CFAP43: variants seen among roughly 807,000 people sequenced by gnomAD.
The protein encoded by CFAP43 is cilia- and flagella-associated protein 43.
A neutral mutation model predicts 218.9 loss-of-function variants in CFAP43; 155 were observed. The observed-to-expected ratio is 0.71, with a 90% confidence interval of 0.62 to 0.81. CFAP43 has a LOEUF of 0.81. CFAP43 is among the 30% of genes least tolerant of loss of function. The pLI is 0.00. For missense variants in CFAP43, 1,778 were observed against 1,954.3 expected, an observed-to-expected ratio of 0.91 and a Z score of 1.70; for synonymous variants, 645 against 681.3, an observed-to-expected ratio of 0.95 and a Z score of 0.83.
intron 20 of CFAP43, among the ~76,000 whole-genome samples, chr10:104,169,440 G>GT (rs1488878824): frequency 6.6e-6 from 1 of 151,946 alleles, no homozygotes; most frequent in Admixed American, 6.6e-5. Context: ...TACAATCTGT[G>GT]TTTTTTTCCA....
At chr10:104,212,622 T>C (rs920359740) in intron 4 of CFAP43, among the ~76,000 whole-genome samples, 1 of 152,226 alleles carries the variant, frequency 6.6e-6, no homozygotes, top group African/African-American at 2.4e-5. Flanking sequence ...TGGCAACTAA[T>C]TCAAATGAAA....
At position 104,198,044 on chromosome 10, in the gene CFAP43, A is replaced by G. The variant is rs748617114; in HGVS notation, c.1096-6T>C. 6.7e-7 allele frequency: 1 copy of G among 1,502,978 alleles called. No homozygotes were observed. Among genetic ancestry groups the G allele is most frequent in the Non-Finnish European group, 9.2e-7 (1 of 1,084,714 alleles). The allele number at this position is 1,502,978 out of a possible 1,614,324, so 93.1% of individuals were successfully genotyped here. Reference sequence around the variant, plus strand: ...GTGTAGATATAAACAGATCCCTGATAAACATACAAAAGAAAAGAAACACAT... The same window carrying G: ...GTGTAGATATAAACAGATCCCTGATGAACATACAAAAGAAAAGAAACACAT... On this transcript the variant is annotated splice_region_variant and splice_polypyrimidine_tract_variant and intron_variant, in intron 8 of 37. Transcript: ENST00000357060.
At chr10:104,140,358 G>T (rs1432600903) in intron 34 of CFAP43, among the ~76,000 whole-genome samples, 4 of 152,206 alleles carry the variant, frequency 2.6e-5, no homozygotes, top group Admixed American at 2.0e-4. Flanking sequence ...CATCCTGGGG[G>T]TGGGGTCTGA....
chr10:104,208,776 A>T (rs1441605666), intron 5 of CFAP43, among the ~76,000 whole-genome samples: 1 of 152,210 alleles, frequency 6.6e-6, no homozygotes, highest in Non-Finnish European at 1.5e-5. Context: ...ATTCCTATTT[A>T]GCAACATCTG....
At position 104,141,063 on chromosome 10, in the gene CFAP43, T is replaced by G. The variant is rs1042944748; in HGVS notation, c.4272-62A>C. The G allele has an allele frequency of 2.0e-6, 3 of 1,487,038 alleles. No individual in the cohort carries two copies. The African/African-American group carries it at 4.2e-5, about 21-fold the overall frequency. 92.1% of individuals were successfully genotyped at this position (1,487,038 alleles called of 1,614,324 possible). Reference sequence around the variant, plus strand: ...TATATTTCAAATTTCACCTATTATCTGAGAATATAAAAATCGAATCAGCTT... The same window carrying G: ...TATATTTCAAATTTCACCTATTATCGGAGAATATAAAAATCGAATCAGCTT... On this transcript the variant is annotated intron_variant, in intron 33 of 37. Transcript: ENST00000357060.
At chr10:104,155,983 C>T (rs1218825799) in intron 27 of CFAP43, among the ~76,000 whole-genome samples, 1 of 151,956 alleles carries the variant, frequency 6.6e-6, no homozygotes, top group Non-Finnish European at 1.5e-5. Context: ...CAGTAGTTTG[C>T]ATTAGAGTGG....
At chr10:104,153,614 C>A (rs1290859450) in intron 27 of CFAP43, among the ~76,000 whole-genome samples, 2 of 152,134 alleles carry the variant, frequency 1.3e-5, no homozygotes, top group Admixed American at 6.5e-5. Flanking sequence ...TGCTATAAAT[C>A]ATTTTTATCT....
chr10:104,218,514 G>C (rs2091085541), intron 3 of CFAP43, among the ~76,000 whole-genome samples: 1 of 151,966 alleles, frequency 6.6e-6, no homozygotes, highest in Non-Finnish European at 1.5e-5. Context: ...CTGAGGTTCT[G>C]ATTTAACTGG....
chr10:104,180,042 A>G, intron 17 of CFAP43, 110 bp from the exon 18 acceptor site: 1 of 813,820 alleles, frequency 1.2e-6, no homozygotes, highest in Non-Finnish European at 2.0e-6. Context: ...TATTTGTTGC[A>G]TTTTTGAAAA....
At position 104,193,868 on chromosome 10, in the gene CFAP43, G is replaced by A. The variant is rs2090305177; in HGVS notation, c.1440C>T (p.Val480=). 3.1e-6 allele frequency: 5 copies of A among 1,613,652 alleles called. No homozygotes were observed. The highest frequency in any genetic ancestry group is 1.1e-5 in the South Asian group (1 of 91,006). Residue 480 remains valine (V), a splice_region_variant and synonymous_variant, in exon 11 of 38, where the codon GTC becomes GTT. Coordinates refer to ENST00000357060, the MANE Select transcript of CFAP43 (RefSeq NM_025145.7). ...AFLSESSVQH[V]VYDQQGIFLL... ...TCCTGGAGGCAGAAAGGACTTACACGACGTGCTGCACGGACGATTCCGAGA... is the reference window on the plus strand; with the variant it reads ...TCCTGGAGGCAGAAAGGACTTACACAACGTGCTGCACGGACGATTCCGAGA...
At chr10:104,195,189 G>A (rs902133295) in intron 10 of CFAP43, among the ~76,000 whole-genome samples, 1 of 152,150 alleles carries the variant, frequency 6.6e-6, no homozygotes, top group African/African-American at 2.4e-5. Flanking sequence ...CTGAAGGAAG[G>A]CAACACAGTC....
intron 3 of CFAP43, among the ~76,000 whole-genome samples, chr10:104,218,634 C>T (rs2091088983): frequency 6.6e-6 from 1 of 152,084 alleles, no homozygotes; most frequent in Admixed American, 6.5e-5. Flanking sequence ...TTGCATCTTC[C>T]TACTGTCACT....
In CFAP43 at chr10:104,214,318, T is replaced by C. The variant is rs146730861; in HGVS notation, c.525A>G (p.Pro175=). The C allele has an allele frequency of 9.9e-6, 16 of 1,610,082 alleles. No individual in the cohort carries two copies. In the African/African-American group the frequency reaches 1.9e-4, roughly 19 times the overall value. Residue 175 remains proline (P), a synonymous_variant, in exon 4 of 38, where the codon CCA becomes CCG. Transcript: ENST00000357060. ...CAATGGTCCACACGCTCACTGTACT[T>C]GGACTTGATAAGCACAGCTGGCGCC... ...MNWRQLCLSS[P]STVSVWTIER...
chr10:104,182,335 A>G (rs746298893), intron 17 of CFAP43, 31 bp downstream of exon 17: 5 of 1,508,708 alleles, frequency 3.3e-6, no homozygotes, highest in Non-Finnish European at 2.6e-6. Context: ...AAGAAATGTA[A>G]GCAAGCAAGC....
intron 5 of CFAP43, among the ~76,000 whole-genome samples, chr10:104,211,656 G>GA (rs2090866848): frequency 6.6e-6 from 1 of 152,148 alleles, no homozygotes; most frequent in South Asian, 2.1e-4. Flanking sequence ...CTATCTGTGA[G>GA]AATGACACTG....
chr10:104,138,226 GTC>G (rs1308063916), intron 34 of CFAP43, among the ~76,000 whole-genome samples: 1 of 152,176 alleles, frequency 6.6e-6, no homozygotes, highest in Non-Finnish European at 1.5e-5. Context: ...TACCTCTGTG[GTC>G]TCTTTCTCCA....
At chr10:104,153,578 A>G (rs1370551741) in intron 27 of CFAP43, among the ~76,000 whole-genome samples, 2 of 152,348 alleles carry the variant, frequency 1.3e-5, no homozygotes, top group East Asian at 3.9e-4. Context: ...ATACAAAGTA[A>G]AAAACATGTA....
At chr10:104,198,840 G>C (rs1206353984) in intron 8 of CFAP43, among the ~76,000 whole-genome samples, 1 of 149,098 alleles carries the variant, frequency 6.7e-6, no homozygotes, top group East Asian at 2.0e-4. Flanking sequence ...TACTAGAGAT[G>C]GGGTTTCACC....
At chr10:104,167,292 T>C (rs577767834) in intron 22 of CFAP43, among the ~76,000 whole-genome samples, 10 of 152,106 alleles carry the variant, frequency 6.6e-5, no homozygotes, top group Non-Finnish European at 1.5e-4. Flanking sequence ...TAAAATACAA[T>C]CCCTAGTGAC....
Sources: gnomAD v4.1 joint callset for allele counts (sites outside exome capture counted in the v4.1 genomes callset) on GRCh38, gnomAD v4.1.1 for gene constraint, MANE v1.5 for transcripts, NCBI Gene and HGNC (gene_info 2026-07-23, HGNC 2026-07-21) for gene names.